ACAA2: variants seen among roughly 807,000 people sequenced by gnomAD.
The protein encoded by ACAA2 is 3-ketoacyl-CoA thiolase, mitochondrial.
A neutral mutation model predicts 44.8 loss-of-function variants in ACAA2; 35 were observed. The ratio of observed to expected loss-of-function variants is 0.78; its 90% CI spans 0.60 to 1.04. The LOEUF (loss-of-function observed/expected upper bound fraction) is 1.04. Among genes scored for constraint, ACAA2 ranks in the 50% least tolerant of loss-of-function variants. The probability of loss-of-function intolerance (pLI) is 0.00; values close to 1 mark genes in which losing one functional copy is unlikely to be tolerated. For synonymous variants in ACAA2, 142 were observed against 166.5 expected (o/e 0.85, Z 1.13); for missense variants, 468 against 482.6 (o/e 0.97, Z 0.28).
rs1336647207 is a variant in ACAA2, at chr18:49,794,311, A to G, written c.546T>C (p.Tyr182=). Residue 182 remains tyrosine, a synonymous_variant, in exon 5 of 10, where the codon TAT becomes TAC. Coordinates refer to ENST00000285093, the MANE Select transcript of ACAA2 (RefSeq NM_006111.3). ...TCCATCTCTGCTGTGACTGCAGGGC[A>G]TATTTGTCACATTCTTCTCTGCTTA... The part of the protein sequence containing the change: ...HKISREECDK[Y]ALQSQQRWKA... 1.7e-5 allele frequency: 27 copies of G among 1,609,170 alleles called. No homozygotes were observed. Among genetic ancestry groups the G allele is most frequent in the South Asian group, 1.3e-4 (12 of 90,512 alleles).
At chr18:49,803,052 T>C in intron 1 of ACAA2, 199 bp from the exon 2 acceptor site, 1 of 645,270 alleles carries the variant, frequency 1.5e-6, no homozygotes, top group Non-Finnish European at 2.8e-6. Flanking sequence ...GATCTTTACC[T>C]ACATGCAGGT....
Position 49,782,916 on chromosome 18 carries a change from A to AT in ACAA2, c.*930dup, listed in dbSNP as rs1568583060. 1 of 152,218 alleles carries AT rather than the reference A, an allele frequency of 6.6e-6. No homozygotes were observed. The highest frequency in any genetic ancestry group is 2.4e-5 in the African/African-American group (1 of 41,462). The allele number at this position is 152,218 out of a possible 1,614,324, so 9.4% of individuals were successfully genotyped here. A position where few individuals can be genotyped will look rare whatever the true frequency, so the allele number is the denominator to read the frequency against. ...TAAATTCAATTTAATCTTAATTAAA[A>AT]TTTCCAGTGGCTCTTTGATGAAGTT... On this transcript the variant is annotated 3_prime_UTR_variant, in exon 10 of 10. Coordinates refer to ENST00000285093, the MANE Select transcript of ACAA2 (RefSeq NM_006111.3).
chr18:49,802,612 A>T, intron 2 of ACAA2, 75 bp downstream of exon 2: 24 of 1,208,596 alleles, frequency 2.0e-5, no homozygotes, highest in Non-Finnish European at 2.3e-5. Flanking sequence ...TACCATTATG[A>T]TATGTTAAAG....
intron 1 of ACAA2, among the ~76,000 whole-genome samples, chr18:49,809,447 C>T (rs886229552): frequency 1.3e-5 from 2 of 152,216 alleles, no homozygotes; most frequent in African/African-American, 4.8e-5. Context: ...TCTAGCCGGT[C>T]CCTCCATTCA....
chr18:49,806,643 AATC>A (rs2023613238), intron 1 of ACAA2, among the ~76,000 whole-genome samples: 1 of 152,224 alleles, frequency 6.6e-6, no homozygotes, highest in South Asian at 2.1e-4. Context: ...AAAATATGAC[AATC>A]AACAGAGACC....
At chr18:49,792,365 A>G (rs779140450) in intron 5 of ACAA2, 38 bp from the exon 6 acceptor site, 4 of 1,510,110 alleles carry the variant, frequency 2.6e-6, no homozygotes, top group Non-Finnish European at 3.6e-6. Context: ...AGAATAAAAG[A>G]GAGAAACATG....
At chr18:49,794,169 T>C in intron 5 of ACAA2, 111 bp downstream of exon 5, 1 of 813,752 alleles carries the variant, frequency 1.2e-6, no homozygotes, top group Non-Finnish European at 1.7e-6. Context: ...AAAGATGTAA[T>C]AATTCTTAAA....
At chr18:49,806,635 A>C (rs2023612990) in intron 1 of ACAA2, among the ~76,000 whole-genome samples, 1 of 152,248 alleles carries the variant, frequency 6.6e-6, no homozygotes, top group African/African-American at 2.4e-5. Flanking sequence ...GGAAACAAAA[A>C]ATATGACAAT....
At chr18:49,803,728 C>G (rs2023582551) in intron 1 of ACAA2, among the ~76,000 whole-genome samples, 2 of 152,104 alleles carry the variant, frequency 1.3e-5, no homozygotes, top group Non-Finnish European at 2.9e-5. Context: ...AAAAGAATCT[C>G]CAAACTAGAA....
In ACAA2 at chr18:49,797,529, G is replaced by A; in HGVS notation, c.249C>T (p.Thr83=). ...AGAGCCTATTAATCGTGAGAGCTGG[G>A]GTCTCCTTTGGGATTCCCACACGCA... The part of the protein sequence containing the change: ...VGLRVGIPKE[T]PALTINRLCG... The change falls in exon 3 of 10, where the codon ACC becomes ACT. Residue 83 remains threonine (T), a synonymous_variant. Coordinates refer to ENST00000285093, the MANE Select transcript of ACAA2 (RefSeq NM_006111.3). The A allele has an allele frequency of 6.2e-7, 1 of 1,611,832 alleles. No homozygotes were observed. Among genetic ancestry groups the A allele is most frequent in the Non-Finnish European group, 8.5e-7 (1 of 1,179,466 alleles).
chr18:49,788,607 T>C (rs1181365646), intron 7 of ACAA2, among the ~76,000 whole-genome samples: 1 of 152,216 alleles, frequency 6.6e-6, no homozygotes, highest in African/African-American at 2.4e-5. Context: ...GGGTAGTCAG[T>C]AGTAAAGCAT....
chr18:49,795,074 C>T (rs886308633), intron 4 of ACAA2, among the ~76,000 whole-genome samples: 4 of 152,174 alleles, frequency 2.6e-5, no homozygotes, highest in African/African-American at 7.2e-5. Context: ...CTAAAATCCG[C>T]ATAGATTCTC....
chr18:49,799,223 C>T (rs2023499379), intron 2 of ACAA2, among the ~76,000 whole-genome samples: 1 of 152,038 alleles, frequency 6.6e-6, no homozygotes, highest in Non-Finnish European at 1.5e-5. Flanking sequence ...TCCCTCTCCC[C>T]CTCCTCCTCC....
intron 6 of ACAA2, among the ~76,000 whole-genome samples, chr18:49,791,907 C>CAGAT (rs945569328): frequency 1.1e-4 from 16 of 151,640 alleles, no homozygotes; most frequent in Admixed American, 2.6e-4. Flanking sequence ...CAAAATAAGC[C>CAGAT]AGATAGATTT....
chr18:49,802,994 G>C (rs1254570352), intron 1 of ACAA2, 141 bp from the exon 2 acceptor site: 2 of 955,778 alleles, frequency 2.1e-6, no homozygotes, highest in African/African-American at 3.2e-5. Context: ...CCTAGAACAA[G>C]TCATACCCAT....
intron 1 of ACAA2, 84 bp downstream of exon 1, chr18:49,813,385 C>G: frequency 1.8e-6 from 2 of 1,115,512 alleles, no homozygotes; most frequent in East Asian, 3.2e-5. Flanking sequence ...GACCCCGACT[C>G]TCCGCGGCGG....
At chr18:49,807,310 C>T (rs1174239293) in intron 1 of ACAA2, among the ~76,000 whole-genome samples, 6 of 152,070 alleles carry the variant, frequency 3.9e-5, no homozygotes, top group African/African-American at 4.8e-5. Flanking sequence ...TCAAGGCTAC[C>T]GTGGGCTACA....
chr18:49,803,677 CCTT>C (rs1321510832), intron 1 of ACAA2, among the ~76,000 whole-genome samples: 1 of 152,138 alleles, frequency 6.6e-6, no homozygotes, highest in Non-Finnish European at 1.5e-5. Context: ...GAACTAAAAT[CCTT>C]CTTCTATGTG....
chr18:49,797,678 C>T (rs2023480905), intron 2 of ACAA2, 84 bp from the exon 3 acceptor site: 3 of 1,174,280 alleles, frequency 2.6e-6, no homozygotes, highest in Non-Finnish European at 3.5e-6. Flanking sequence ...GAAATGTTGG[C>T]AATCTATCAA....
Sources: gnomAD v4.1 joint callset for allele counts (sites outside exome capture counted in the v4.1 genomes callset) on GRCh38, gnomAD v4.1.1 for gene constraint, MANE v1.5 for transcripts, NCBI Gene and HGNC (gene_info 2026-07-23, HGNC 2026-07-21) for gene names.